MACROD2: variants seen among roughly 807,000 people sequenced by gnomAD.
MACROD2 encodes mono-ADP ribosylhydrolase 2, also known as ADP-ribose glycohydrolase MACROD2.
In MACROD2, 36 loss-of-function variants were observed where a neutral mutation model predicts 70.4. The ratio of observed to expected loss-of-function variants is 0.51; its 90% CI spans 0.39 to 0.68. MACROD2 has a LOEUF of 0.68. Ranked by LOEUF, MACROD2 falls within the 30% of genes least tolerant of loss-of-function variation. The pLI is 0.00. For synonymous variants in MACROD2, 172 were observed against 178.8 expected (o/e 0.96, Z 0.30); for missense variants, 496 against 538.4 (o/e 0.92, Z 0.78).
chr20:14,830,741 A>G (rs2024012889), intron 5 of MACROD2, among the ~76,000 whole-genome samples: 1 of 152,158 alleles, frequency 6.6e-6, no homozygotes, highest in African/African-American at 2.4e-5. Flanking sequence ...CCCCAAGGGA[A>G]GGGCTTATTT....
At chr20:15,057,044 T>C (rs1055855087) in intron 5 of MACROD2, among the ~76,000 whole-genome samples, 8 of 152,216 alleles carry the variant, frequency 5.3e-5, no homozygotes, top group African/African-American at 1.7e-4. Context: ...TTAAATGGAA[T>C]TGAGGATGGG....
intron 6 of MACROD2, among the ~76,000 whole-genome samples, chr20:15,237,953 C>T (rs1212923057): frequency 6.6e-6 from 1 of 152,140 alleles, no homozygotes; most frequent in Non-Finnish European, 1.5e-5. Context: ...TGTGGATGGG[C>T]ATGTGCTAGA....
intron 6 of MACROD2, among the ~76,000 whole-genome samples, chr20:15,338,598 C>G (rs923929614): frequency 1.3e-5 from 2 of 151,632 alleles, no homozygotes; most frequent in African/African-American, 4.9e-5. Flanking sequence ...AAGGACTTTT[C>G]CTTATGTGAT....
intron 6 of MACROD2, among the ~76,000 whole-genome samples, chr20:15,327,771 T>C (rs1222910376): frequency 6.6e-6 from 1 of 152,080 alleles, no homozygotes; most frequent in Non-Finnish European, 1.5e-5. Context: ...GGGTAGTGTG[T>C]CCTGAACCCC....
intron 3 of MACROD2, among the ~76,000 whole-genome samples, chr20:14,181,468 T>TA (rs2081304884): frequency 6.6e-6 from 1 of 152,176 alleles, no homozygotes; most frequent in African/African-American, 2.4e-5. Flanking sequence ...GCTTCAGATT[T>TA]AAAAAAATCA....
intron 8 of MACROD2, among the ~76,000 whole-genome samples, chr20:15,595,919 A>G (rs999860324): frequency 2.0e-5 from 3 of 152,210 alleles, no homozygotes; most frequent in African/African-American, 7.2e-5. Flanking sequence ...ACCCATATTT[A>G]GCATTTAGCA....
At chr20:14,289,546 T>A (rs1033303355) in intron 3 of MACROD2, among the ~76,000 whole-genome samples, 2 of 152,184 alleles carry the variant, frequency 1.3e-5, no homozygotes, top group Non-Finnish European at 2.9e-5. Flanking sequence ...TGTTTGTTTG[T>A]TTTTGTTTTT....
chr20:14,923,169 A>G (rs543764947), intron 5 of MACROD2, among the ~76,000 whole-genome samples: 1 of 152,012 alleles, frequency 6.6e-6, no homozygotes, highest in East Asian at 1.9e-4. Flanking sequence ...TTTCTTCCCA[A>G]TCTCTTTTGC....
At chr20:14,418,879 C>T (rs6079430) in intron 3 of MACROD2, among the ~76,000 whole-genome samples, 18,664 of 152,102 alleles carry the variant, frequency 0.12, 1,333 homozygotes, top group East Asian at 0.27. Context: ...CCTTCCTCCT[C>T]TTCTCTTGTT....
intron 5 of MACROD2, among the ~76,000 whole-genome samples, chr20:15,226,529 G>T (rs2076908178): frequency 6.6e-6 from 1 of 151,996 alleles, no homozygotes; most frequent in African/African-American, 2.4e-5. Flanking sequence ...ATGCTACAGT[G>T]TTTAATAAAA....
intron 8 of MACROD2, among the ~76,000 whole-genome samples, chr20:15,688,818 G>A (rs1267457990): frequency 6.6e-6 from 1 of 152,174 alleles, no homozygotes; most frequent in African/African-American, 2.4e-5. Flanking sequence ...AAGATAGAGG[G>A]GGTGTTTATG....
At chr20:15,779,627 G>GTTGT (rs945896064) in intron 8 of MACROD2, among the ~76,000 whole-genome samples, 1 of 152,090 alleles carries the variant, frequency 6.6e-6, no homozygotes, top group Non-Finnish European at 1.5e-5. Context: ...GGAATTTAAG[G>GTTGT]TTGTTTGTTT....
chr20:15,704,440 T>C (rs6034269), intron 8 of MACROD2, among the ~76,000 whole-genome samples: 2,226 of 152,270 alleles, frequency 0.015, 60 homozygotes, highest in African/African-American at 0.049. Flanking sequence ...AAACCCTCCG[T>C]TAGAGATTGA....
At chr20:14,864,763 T>C (rs990361885) in intron 5 of MACROD2, among the ~76,000 whole-genome samples, 5 of 152,046 alleles carry the variant, frequency 3.3e-5, no homozygotes, top group African/African-American at 1.2e-4. Context: ...TGCTAATGGA[T>C]GTTTAGATCT....
At chr20:14,735,074 G>T (rs540857306) in intron 5 of MACROD2, among the ~76,000 whole-genome samples, 10 of 152,156 alleles carry the variant, frequency 6.6e-5, no homozygotes, top group African/African-American at 2.4e-4. Context: ...CTTAGAGTTG[G>T]TGATGGATTC....
intron 8 of MACROD2, among the ~76,000 whole-genome samples, chr20:15,705,955 T>G (rs1311540228): frequency 1.3e-5 from 2 of 152,320 alleles, no homozygotes; most frequent in African/African-American, 4.8e-5. Context: ...ACACATCAGA[T>G]CATTTTGCCA....
intron 3 of MACROD2, among the ~76,000 whole-genome samples, chr20:14,220,956 C>A (rs1310899091): frequency 6.6e-6 from 1 of 152,080 alleles, no homozygotes; most frequent in Non-Finnish European, 1.5e-5. Context: ...GTTTTGCAGT[C>A]GATCTGATGC....
At chr20:15,033,243 C>G (rs1191513969) in intron 5 of MACROD2, among the ~76,000 whole-genome samples, 1 of 152,052 alleles carries the variant, frequency 6.6e-6, no homozygotes, top group Non-Finnish European at 1.5e-5. Context: ...TATATTTTAC[C>G]ACAATTAAAA....
chr20:15,713,987 G>GCACGCA (rs2050667462), intron 8 of MACROD2, among the ~76,000 whole-genome samples: 2 of 117,698 alleles, frequency 1.7e-5, no homozygotes, highest in African/African-American at 5.7e-5. Context: ...ACACACATAT[G>GCACGCA]CACACACACA....
Sources: gnomAD v4.1 joint callset for allele counts (sites outside exome capture counted in the v4.1 genomes callset) on GRCh38, gnomAD v4.1.1 for gene constraint, MANE v1.5 for transcripts, NCBI Gene and HGNC (gene_info 2026-07-23, HGNC 2026-07-21) for gene names.